The following TENM2 variants were observed in gnomAD, a reference collection of about 807,000 sequenced individuals.
The protein encoded by TENM2 is teneurin-2.
A neutral mutation model predicts 245.2 loss-of-function variants in TENM2; 52 were observed. That is an observed-to-expected ratio of 0.21 (90% CI 0.17 to 0.27). TENM2 has a LOEUF of 0.27. TENM2 is among the 10% of genes least tolerant of loss of function. The pLI is 1.00. For missense variants in TENM2, 3,046 were observed against 3,666.8 expected, an observed-to-expected ratio of 0.83 and a Z score of 4.37; for synonymous variants, 1,363 against 1,438.9, an observed-to-expected ratio of 0.95 and a Z score of 1.19.
chr5:168,046,501 GA>G (rs900187135), intron 5 of TENM2, among the ~76,000 whole-genome samples: 1 of 152,154 alleles, frequency 6.6e-6, no homozygotes, highest in Non-Finnish European at 1.5e-5. Flanking sequence ...CCACTCAGTA[GA>G]AAAAACTCAC....
chr5:167,202,359 G>A, the TENM2 span, among the ~76,000 whole-genome samples: 906 of 151,758 alleles, frequency 6.0e-3, 8 homozygotes, highest in African/African-American at 0.02. Context: ...GACACACCCC[G>A]CTTGCATTCC....
intron 25 of TENM2, among the ~76,000 whole-genome samples, chr5:168,236,916 T>C (rs550183455): frequency 2.7e-5 from 3 of 112,496 alleles, no homozygotes; most frequent in Non-Finnish European, 5.3e-5. Flanking sequence ...TTTCAGATAT[T>C]TTGAGACCAC....
chr5:167,624,492 A>G (rs1352857467), intron 2 of TENM2, among the ~76,000 whole-genome samples: 1 of 152,156 alleles, frequency 6.6e-6, no homozygotes, highest in Admixed American at 6.6e-5. Flanking sequence ...CCATTCCATT[A>G]TACCCCATAT....
intron 1 of TENM2, among the ~76,000 whole-genome samples, chr5:167,305,699 C>A (rs73363414): frequency 6.6e-6 from 1 of 152,110 alleles, no homozygotes; most frequent in Non-Finnish European, 1.5e-5. Flanking sequence ...GGCAGGGATT[C>A]GGCACATTTT....
chr5:168,238,217 G>GAAGAAAAGAAA (rs1340183386), intron 25 of TENM2, among the ~76,000 whole-genome samples: 8 of 40,750 alleles, frequency 2.0e-4, no homozygotes, highest in Admixed American at 3.8e-4. Context: ...GAGGGAGGGA[G>GAAGAAAAGAAA]AGAGAAGAAA....
At chr5:167,445,621 A>C (rs1385202232) in intron 2 of TENM2, among the ~76,000 whole-genome samples, 3 of 152,110 alleles carry the variant, frequency 2.0e-5, no homozygotes, top group Admixed American at 2.0e-4. Context: ...AGTCTCACCT[A>C]TGAGAAAGCT....
At chr5:167,031,326 G>A in the TENM2 span, among the ~76,000 whole-genome samples, 1 of 152,288 alleles carries the variant, frequency 6.6e-6, no homozygotes, top group East Asian at 1.9e-4. Context: ...TTTAATGTTG[G>A]AAGTTTCATA....
chr5:167,844,290 G>A (rs1769831295), intron 2 of TENM2, among the ~76,000 whole-genome samples: 2 of 152,208 alleles, frequency 1.3e-5, no homozygotes. Flanking sequence ...CCTGGTACAA[G>A]AGGCAAAAGG....
rs35451881 is a variant in TENM2, at chr5:167,342,507, C to CTTTTTTT, written c.227-32666_227-32660dup. Among the ~76,000 whole-genome samples, 151 of 54,296 alleles carry CTTTTTTT rather than the reference C, an allele frequency of 2.8e-3. 21 individuals carry two copies. The highest frequency in any genetic ancestry group is 0.026 in the Middle Eastern group (1 of 38). The allele number at this position is 54,296 out of a possible 152,430, so 35.6% of individuals were successfully genotyped here. ...CAGGTTTCTCAACTGTAAAGTTATT[C>CTTTTTTT]TTTTTTTTTTTTTTTTTTTTTTTTT... On this transcript the variant is annotated intron_variant, in intron 1 of 28. Coordinates refer to ENST00000518659, the Ensembl canonical transcript of TENM2.
intron 3 of TENM2, among the ~76,000 whole-genome samples, chr5:167,879,347 C>G (rs373274974): frequency 5.3e-5 from 8 of 152,296 alleles, no homozygotes; most frequent in Middle Eastern, 3.4e-3. Context: ...TGGTGTTTCT[C>G]TCCCCCTTAA....
chr5:167,684,931 G>A (rs534957680), intron 2 of TENM2, among the ~76,000 whole-genome samples: 1 of 152,242 alleles, frequency 6.6e-6, no homozygotes, highest in African/African-American at 2.4e-5. Flanking sequence ...GCTTGTAAGT[G>A]GAAAAGCTAA....
exon 4 of TENM2, chr5:167,952,819 C>G (rs1176252676): frequency 3.2e-6 from 5 of 1,553,496 alleles, no homozygotes; most frequent in African/African-American, 1.4e-5. Flanking sequence ...CCACTGGAGA[C>G]CCGGTAAGTC....
intron 2 of TENM2, among the ~76,000 whole-genome samples, chr5:167,549,346 C>T (rs1452781301): frequency 6.6e-6 from 1 of 152,076 alleles, no homozygotes; most frequent in African/African-American, 2.4e-5. Flanking sequence ...ATAAAATGTA[C>T]TGGCTCCAAA....
At chr5:167,235,673 C>T in the TENM2 span, among the ~76,000 whole-genome samples, 1 of 149,870 alleles carries the variant, frequency 6.7e-6, no homozygotes, top group Non-Finnish European at 1.5e-5. Context: ...ATATGGCTGC[C>T]AATTCTCTAA....
exon 27 of TENM2, chr5:168,248,371 G>A (rs754570109): frequency 6.8e-6 from 11 of 1,609,354 alleles, no homozygotes; most frequent in Non-Finnish European, 9.3e-6. Flanking sequence ...CTACGTGACA[G>A]GTGAGGATTC....
intron 5 of TENM2, among the ~76,000 whole-genome samples, chr5:167,994,849 G>A (rs1331212229): frequency 6.6e-6 from 1 of 152,160 alleles, no homozygotes; most frequent in Admixed American, 6.5e-5. Context: ...CCTCAGAAAG[G>A]CGGAAGGATA....
the TENM2 span, among the ~76,000 whole-genome samples, chr5:167,011,562 C>G: frequency 6.6e-6 from 1 of 152,188 alleles, no homozygotes; most frequent in Non-Finnish European, 1.5e-5. Flanking sequence ...GGCTCTAGCT[C>G]ATATCTGAGA....
chr5:167,880,342 T>TA (rs1371073833), intron 3 of TENM2, among the ~76,000 whole-genome samples: 1 of 152,062 alleles, frequency 6.6e-6, no homozygotes, highest in East Asian at 1.9e-4. Flanking sequence ...CAACAGTTGT[T>TA]AAAAAAAATT....
rs553135681 is a variant in TENM2 at position 167,894,330 on chromosome 5, G to A, written c.712+18135G>A. On this transcript the variant is annotated intron_variant, in intron 3 of 28. Transcript: ENST00000518659. The stretch of plus-strand genomic sequence containing the variant: ...CCTAACAATCAGGCCAAACCAGCAC[G>A]TTTAATAAAATGTTTTTTCATTGCC... 5.3e-5 allele frequency among the ~76,000 whole-genome samples: 8 copies of A among 152,282 alleles called. No individual in the cohort carries two copies. In the South Asian group the frequency reaches 6.2e-4, roughly 12 times the overall value.
Sources: allele counts gnomAD v4.1 joint callset (sites outside exome capture counted in the v4.1 genomes callset), GRCh38; gene constraint gnomAD v4.1.1; transcripts MANE v1.5; gene names NCBI Gene and HGNC (gene_info 2026-07-23, HGNC 2026-07-21).